Variants in TEX9 observed in about 807,000 individuals in gnomAD.
The protein encoded by TEX9 is testis-expressed protein 9.
TEX9 carries 74 observed loss-of-function variants against 59.6 expected under a neutral mutation model. The ratio of observed to expected loss-of-function variants is 1.24; its 90% CI spans 1.03 to 1.51. The LOEUF (loss-of-function observed/expected upper bound fraction) is 1.51, where lower values mean the gene tolerates loss of function less well. Among genes scored for constraint, TEX9 ranks in the 40% most tolerant of loss-of-function variants. The pLI is 0.00. For missense variants in TEX9, 522 were observed against 447.8 expected (o/e 1.17, Z -1.49); for synonymous variants, 186 against 152.2 (o/e 1.22, Z -1.64).
At chr15:56,296,281 A>C (rs113814844) in intron 1 of TEX9, among the ~76,000 whole-genome samples, 1 of 152,140 alleles carries the variant, frequency 6.6e-6, no homozygotes, top group African/African-American at 2.4e-5. Context: ...TAATTACCTA[A>C]TTCTGTGACA....
chr15:56,350,094 T>C (rs1253978494), intron 1 of TEX9, among the ~76,000 whole-genome samples: 1 of 152,144 alleles, frequency 6.6e-6, no homozygotes, highest in Non-Finnish European at 1.5e-5. Flanking sequence ...ATTACTTATG[T>C]GTATATTTCT....
At chr15:56,438,571 G>GCATTGGTAGGCAATGCCTAGGCAAT (rs2050767442) in intron 12 of TEX9, among the ~76,000 whole-genome samples, 1 of 152,036 alleles carries the variant, frequency 6.6e-6, no homozygotes, top group Non-Finnish European at 1.5e-5. Flanking sequence ...TACCATTCAG[G>GCATTGGTAGGCAATGCCTAGGCAAT]ACATAGGCAT....
At chr15:56,431,739 G>C (rs1287114619) in intron 12 of TEX9, among the ~76,000 whole-genome samples, 1 of 151,744 alleles carries the variant, frequency 6.6e-6, no homozygotes. Flanking sequence ...ATATTTTCAG[G>C]AAAGTGTCTT....
chr15:56,459,990 C>CAAAAAAAA, the TEX9 span, among the ~76,000 whole-genome samples: 743 of 11,102 alleles, frequency 0.067, 162 homozygotes, highest in Non-Finnish European at 0.088. Flanking sequence ...AATTCTGTCT[C>CAAAAAAAA]AAAAAAAAAA....
chr15:56,311,445 C>T (rs1354212794), intron 1 of TEX9, among the ~76,000 whole-genome samples: 1 of 132,550 alleles, frequency 7.5e-6, no homozygotes, highest in African/African-American at 2.7e-5. Flanking sequence ...TTTCCAGTTT[C>T]ATCCATGTCC....
At chr15:56,329,015 T>A (rs1383465920) in intron 1 of TEX9, among the ~76,000 whole-genome samples, 7 of 151,830 alleles carry the variant, frequency 4.6e-5, no homozygotes, top group African/African-American at 1.7e-4. Flanking sequence ...CCCAGAGCAG[T>A]CCCAGTGGTG....
At chr15:56,451,899 C>T in the TEX9 span, among the ~76,000 whole-genome samples, 1 of 152,048 alleles carries the variant, frequency 6.6e-6, no homozygotes, top group Non-Finnish European at 1.5e-5. Flanking sequence ...TTACTTACGT[C>T]TAGTTTAATT....
chr15:56,283,284 C>A (rs377278709), intron 1 of TEX9, among the ~76,000 whole-genome samples: 5 of 152,044 alleles, frequency 3.3e-5, no homozygotes, highest in Non-Finnish European at 7.4e-5. Flanking sequence ...TGGTTTAAAA[C>A]GCATGCAATC....
At chr15:56,439,832 A>G (rs2050789646) in intron 12 of TEX9, among the ~76,000 whole-genome samples, 1 of 151,970 alleles carries the variant, frequency 6.6e-6, no homozygotes, top group African/African-American at 2.4e-5. Context: ...TTCTTCAATA[A>G]CTAGGCGAAG....
intron 12 of TEX9, chr15:56,431,504 A>T: frequency 6.2e-7 from 1 of 1,613,394 alleles, no homozygotes; most frequent in Non-Finnish European, 8.5e-7. Context: ...CGTTGCTGGA[A>T]ATGCAGATCA....
chr15:56,437,696 T>A (rs543141205), intron 12 of TEX9, among the ~76,000 whole-genome samples: 1 of 152,328 alleles, frequency 6.6e-6, no homozygotes, highest in Non-Finnish European at 1.5e-5. Flanking sequence ...GCAGATGACA[T>A]GATTGTATAT....
chr15:56,361,882 T>C (rs1213167018), upstream of TEX9, among the ~76,000 whole-genome samples: 2 of 152,104 alleles, frequency 1.3e-5, no homozygotes, highest in African/African-American at 4.8e-5. Context: ...AGAAAGAGTC[T>C]CCCCTGCAGG....
intron 1 of TEX9, among the ~76,000 whole-genome samples, chr15:56,318,370 T>G (rs1454040584): frequency 6.6e-6 from 1 of 152,166 alleles, no homozygotes; most frequent in Non-Finnish European, 1.5e-5. Flanking sequence ...TGTCATCTTT[T>G]TCTTTCAACC....
chr15:56,429,375 A>G (rs1248248536), intron 12 of TEX9: 1 of 520,764 alleles, frequency 1.9e-6, no homozygotes, highest in African/African-American at 2.0e-5. Context: ...ATATATATTG[A>G]ATATTCCTAG....
chr15:56,429,356 A>G, intron 12 of TEX9: 1 of 559,542 alleles, frequency 1.8e-6, no homozygotes, highest in Non-Finnish European at 3.1e-6. Context: ...TCAAAAAATA[A>G]GACTTTACAT....
chr15:56,263,951 GACATTTTTGGGGTTATTTCC>G (rs1362361046), intron 1 of TEX9, among the ~76,000 whole-genome samples: 26 of 152,272 alleles, frequency 1.7e-4, no homozygotes, highest in African/African-American at 5.5e-4. Flanking sequence ...CCAGGTGAAA[GACATTTTTGGGGTTATTTCC>G]ACTTTTTGGC....
intron 1 of TEX9, among the ~76,000 whole-genome samples, chr15:56,267,042 A>C (rs8039079): frequency 0.014 from 2,072 of 152,208 alleles, 40 homozygotes; most frequent in African/African-American, 0.04. Flanking sequence ...ATGGTATCTC[A>C]TTGTGGTTTT....
downstream of TEX9, chr15:56,446,989 G>T: frequency 7.5e-7 from 1 of 1,336,098 alleles, no homozygotes; most frequent in Non-Finnish European, 1.1e-6. Context: ...GACCATAAGA[G>T]AATGAAAACC....
intron 12 of TEX9, chr15:56,429,507 C>CTGT: frequency 1.0e-5 from 2 of 196,334 alleles, no homozygotes; most frequent in Non-Finnish European, 2.0e-5. Context: ...TATACTGTAC[C>CTGT]CTACCCTTTT....
Sources: gnomAD v4.1 joint callset for allele counts (sites outside exome capture counted in the v4.1 genomes callset) on GRCh38, gnomAD v4.1.1 for gene constraint, MANE v1.5 for transcripts, NCBI Gene and HGNC (gene_info 2026-07-23, HGNC 2026-07-21) for gene names.